JMJD1C: variants seen among roughly 807,000 people sequenced by gnomAD.
JMJD1C encodes jumonji domain-containing protein 1C.
Under a neutral mutation model 245.3 loss-of-function variants are expected in JMJD1C, and 31 were observed. The ratio of observed to expected loss-of-function variants is 0.13; its 90% CI spans 0.09 to 0.17. JMJD1C has a LOEUF of 0.17. Ranked by LOEUF, JMJD1C falls within the 10% of genes least tolerant of loss-of-function variation. The pLI is 1.00. For synonymous variants in JMJD1C, 1,057 were observed against 1,017.4 expected (o/e 1.04, Z -0.74); for missense variants, 2,691 against 3,000.2 (o/e 0.90, Z 2.41).
intron 22 of JMJD1C, 93 bp from the exon 23 acceptor site, chr10:63,177,949 G>C (rs1843009187): frequency 4.5e-6 from 6 of 1,319,436 alleles, no homozygotes; most frequent in African/African-American, 1.5e-5. Flanking sequence ...CAGAGTGCCT[G>C]ACTAGGATCA....
intron 2 of JMJD1C, among the ~76,000 whole-genome samples, chr10:63,311,391 A>C (rs1939180829): frequency 6.6e-6 from 1 of 152,020 alleles, no homozygotes; most frequent in African/African-American, 2.4e-5. Context: ...AAAATAAACA[A>C]ACAAAATAAA....
intron 1 of JMJD1C, among the ~76,000 whole-genome samples, chr10:63,477,441 G>T (rs937568946): frequency 2.4e-4 from 36 of 151,322 alleles, no homozygotes; most frequent in African/African-American, 8.0e-4. Context: ...TCCAGAAATA[G>T]ACCCATACTT....
At chr10:63,405,487 A>AT (rs1479906835) in intron 1 of JMJD1C, among the ~76,000 whole-genome samples, 1 of 151,722 alleles carries the variant, frequency 6.6e-6, no homozygotes, top group Non-Finnish European at 1.5e-5. Flanking sequence ...AGCTCAGCTA[A>AT]TTTTTTTGTA....
rs201271782 is a variant in JMJD1C at position 63,206,817 on chromosome 10, C to T, written c.4852G>A (p.Ala1618Thr). Residue 1618 changes from alanine to threonine, a missense_variant, in exon 10 of 26, where the codon GCC becomes ACC. Ala to Thr is a moderately conservative substitution (Grantham distance 58, BLOSUM62 0). Around this residue, in one of 9 missense-constraint regions of JMJD1C, gnomAD observed 144 missense variants for 143.3 expected, o/e 1.00. Coordinates refer to ENST00000399262, the MANE Select transcript of JMJD1C (RefSeq NM_032776.3). ...GAGCCAGATTCATAAGTTCTTTTGG[C>T]TTTTCTCCTGTTGACTTTATCATCT... is the stretch of plus-strand genomic sequence containing the variant. ...VKDDKVNRRK[A>T]KRTYESGSES... The T allele has an allele frequency of 5.7e-5, 91 of 1,600,860 alleles. No homozygotes were observed. Among genetic ancestry groups the T allele is most frequent in the Non-Finnish European group, 7.6e-5 (89 of 1,176,466 alleles).
chr10:63,214,054 T>C lies in JMJD1C; in HGVS notation c.2113A>G (p.Ile705Val), dbSNP rs1311760859. 4 of 1,614,066 alleles carry C rather than the reference T, an allele frequency of 2.5e-6. No homozygotes were observed. Among genetic ancestry groups the C allele is most frequent in the Non-Finnish European group, 3.4e-6 (4 of 1,180,000 alleles). Residue 705 changes from isoleucine (I) to valine (V), a missense_variant, in exon 8 of 26, where the codon ATT becomes GTT. By Grantham distance (29) the Ile-to-Val change is conservative. Transcript: ENST00000399262. ...ACTGTAAAATGCTCATTTTTATCAA[T>C]GATAAGAGGACTCTTTGTAGTTTCT... is the stretch of plus-strand genomic sequence containing the variant. The part of the protein sequence containing the change: ...TLETTKSPLI[I>V]DKNEHFTVYR...
Position 63,465,902 on chromosome 10 carries a change from A to G in JMJD1C, c.-240T>C. 1.6e-6 allele frequency: 1 copy of G among 641,846 alleles called. No individual in the cohort carries two copies. The highest frequency in any genetic ancestry group is 2.8e-6 in the Non-Finnish European group (1 of 353,520). 39.8% of individuals were successfully genotyped at this position (641,846 alleles called of 1,614,324 possible). A position where few individuals can be genotyped will look rare whatever the true frequency, so the allele number is the denominator to read the frequency against. On this transcript the variant is annotated 5_prime_UTR_variant, in exon 1 of 26. Transcript: ENST00000399262. ...TTGTGCTGCAGCGCCACACAAGAAA[A>G]CTGAAACAAAACCCAACGCGGCCGT... is the stretch of plus-strand genomic sequence containing the variant.
Position 63,186,353 on chromosome 10 carries a change from T to G in JMJD1C, c.6601A>C (p.Met2201Leu), listed in dbSNP as rs576310477. The G allele has an allele frequency of 1.1e-5, 17 of 1,613,124 alleles. No homozygotes were observed. The highest frequency in any genetic ancestry group is 1.4e-5 in the Non-Finnish European group (17 of 1,179,666). Reference protein sequence around the residue: ...PAVVSGVHKKMNISLWKAESI... With the variant: ...PAVVSGVHKKLNISLWKAESI... ...TCCGCCTTCCATAGGCTAATGTTCA[T>G]TTTCTTATGCACACCAGAAACCACT... Residue 2201 changes from methionine (M) to leucine (L), a missense_variant, in exon 19 of 26, where the codon ATG (methionine) becomes CTG (leucine). This residue lies in a region of JMJD1C where 232 missense variants were observed against 416.1 expected (regional missense o/e 0.56). Transcript: ENST00000399262.
chr10:63,460,623 C>T (rs929870476), intron 1 of JMJD1C, among the ~76,000 whole-genome samples: 10 of 152,006 alleles, frequency 6.6e-5, no homozygotes, highest in African/African-American at 2.4e-4. Context: ...TTATGGACAC[C>T]TAAGTAAATG....
At position 63,405,979 on chromosome 10, in the gene JMJD1C, A is replaced by T. The variant is rs117564882; in HGVS notation, c.169-25497T>A. Among the ~76,000 whole-genome samples the T allele has an allele frequency of 8.1e-3, 1,239 of 152,346 alleles. 12 individuals are homozygous for T. Among genetic ancestry groups the T allele is most frequent in the Non-Finnish European group, 0.013 (886 of 68,026 alleles). On this transcript the variant is annotated intron_variant, in intron 1 of 25. Transcript: ENST00000399262. ...ATCAATCTTATAAGAACGTTATCAGAACAAACTACATTTTATAAGTAATAC... is the reference window on the plus strand; with the variant it reads ...ATCAATCTTATAAGAACGTTATCAGTACAAACTACATTTTATAAGTAATAC...
At chr10:63,276,648 T>C (rs1024552043) in intron 2 of JMJD1C, among the ~76,000 whole-genome samples, 6 of 152,066 alleles carry the variant, frequency 3.9e-5, no homozygotes, top group African/African-American at 1.2e-4. Flanking sequence ...TTTGTATTTT[T>C]AGTAGGGACA....
At chr10:63,380,291 G>A (rs868625978) in intron 2 of JMJD1C, 27 bp downstream of exon 2, 2 of 1,608,920 alleles carry the variant, frequency 1.2e-6, no homozygotes, top group Non-Finnish European at 8.5e-7. Context: ...AAATGAAAAT[G>A]CTTAATGAAA....
chr10:63,411,349 G>A (rs190679315), intron 1 of JMJD1C, among the ~76,000 whole-genome samples: 1 of 148,034 alleles, frequency 6.8e-6, no homozygotes, highest in Admixed American at 6.8e-5. Flanking sequence ...ACCCAGGCTG[G>A]AGTAGGTGGC....
At chr10:63,288,889 C>CAATAAT (rs61651313) in intron 2 of JMJD1C, among the ~76,000 whole-genome samples, 1,568 of 139,568 alleles carry the variant, frequency 0.011, 18 homozygotes, top group South Asian at 0.023. Flanking sequence ...AATAATAATA[C>CAATAAT]AATAATAATA....
chr10:63,342,617 G>C (rs1304598843), intron 2 of JMJD1C, among the ~76,000 whole-genome samples: 6 of 152,150 alleles, frequency 3.9e-5, no homozygotes, highest in African/African-American at 1.4e-4. Flanking sequence ...ATCTGATACA[G>C]GTATTCTGGT....
chr10:63,251,321 T>C (rs1451019293), intron 3 of JMJD1C, among the ~76,000 whole-genome samples: 1 of 152,204 alleles, frequency 6.6e-6, no homozygotes, highest in African/African-American at 2.4e-5. Context: ...TTTGTTGTTA[T>C]TGTGATTTTT....
At position 63,175,128 on chromosome 10, in the gene JMJD1C, A is replaced by G. The variant is rs1454217740; in HGVS notation, c.7401+1169T>C. 2.0e-5 allele frequency among the ~76,000 whole-genome samples: 3 copies of G among 152,232 alleles called. 1 individual carries two copies. The highest frequency in any genetic ancestry group is 7.2e-5 in the African/African-American group (3 of 41,466). ...TATTATCAAAGGATTATTCCTATGT[A>G]CAAAAAGATTTATAATACTAGTCTC... On this transcript the variant is annotated intron_variant, in intron 24 of 25. Coordinates refer to ENST00000399262, the MANE Select transcript of JMJD1C (RefSeq NM_032776.3).
intron 1 of JMJD1C, among the ~76,000 whole-genome samples, chr10:63,443,736 G>A (rs981370338): frequency 3.3e-5 from 5 of 152,200 alleles, no homozygotes; most frequent in South Asian, 2.1e-4. Context: ...TTAGGTCATG[G>A]AGATGAGAGT....
At chr10:63,441,171 CCATT>C (rs1951362211) in intron 1 of JMJD1C, among the ~76,000 whole-genome samples, 1 of 152,158 alleles carries the variant, frequency 6.6e-6, no homozygotes, top group Non-Finnish European at 1.5e-5. Flanking sequence ...TCTCTTTAAT[CCATT>C]TATTTAGAAG....
chr10:63,473,929 G>C (rs976810553), intron 1 of JMJD1C, among the ~76,000 whole-genome samples: 1 of 151,876 alleles, frequency 6.6e-6, no homozygotes, highest in Non-Finnish European at 1.5e-5. Context: ...TGTAATCCCA[G>C]CTACTCAGGA....
Sources: gnomAD v4.1 joint callset for allele counts (sites outside exome capture counted in the v4.1 genomes callset) on GRCh38, gnomAD v4.1.1 for gene constraint, gnomAD v4.1.1 regional missense constraint, MANE v1.5 for transcripts, NCBI Gene and HGNC (gene_info 2026-07-23, HGNC 2026-07-21) for gene names.